The following WDR25 variants were observed in gnomAD, a reference collection of about 807,000 sequenced individuals.
WDR25 encodes WD repeat domain 25.
WDR25 carries 35 observed loss-of-function variants against 47.7 expected under a neutral mutation model. The observed-to-expected ratio is 0.73, with a 90% CI of 0.56 to 0.97. WDR25 has a LOEUF of 0.97. Among genes scored for constraint, WDR25 ranks in the 50% least tolerant of loss-of-function variants. WDR25 has a pLI of 0.00. For synonymous variants in WDR25, 248 were observed against 278.9 expected (o/e 0.89, Z 1.10); for missense variants, 634 against 704.7 (o/e 0.90, Z 1.14).
chr14:100,385,821 C>T (rs373757885), intron 2 of WDR25, among the ~76,000 whole-genome samples: 3 of 151,718 alleles, frequency 2.0e-5, no homozygotes, highest in South Asian at 2.1e-4. Flanking sequence ...ACCCACTGCA[C>T]GTAAAGGTAG....
intron 2 of WDR25, among the ~76,000 whole-genome samples, chr14:100,409,575 T>C (rs1897647380): frequency 6.6e-6 from 1 of 152,182 alleles, no homozygotes; most frequent in Non-Finnish European, 1.5e-5. Flanking sequence ...TTGCTGTGGG[T>C]GATCCCTGGT....
At position 100,380,942 on chromosome 14, in the gene WDR25, G is replaced by A. The variant is rs2140135639; in HGVS notation, c.18G>A (p.Leu6=). The change falls in exon 2 of 7, where the codon CTG becomes CTA. Residue 6 remains leucine, a synonymous_variant. Transcript: ENST00000402312. The stretch of plus-strand genomic sequence containing the variant: ...GGCTTTGAATGACAGCAAGAACTCT[G>A]TCTTTAATGGCTTCATTGGTAGCGT... MTART[L]SLMASLVAYD... 2 of 1,613,572 alleles carry A rather than the reference G, an allele frequency of 1.2e-6. No homozygotes were observed. The highest frequency in any genetic ancestry group is 1.7e-6 in the Non-Finnish European group (2 of 1,179,498).
intron 2 of WDR25, among the ~76,000 whole-genome samples, chr14:100,458,604 T>A (rs558348166): frequency 1.3e-5 from 2 of 152,254 alleles, no homozygotes; most frequent in East Asian, 3.9e-4. Context: ...AACAGCAGAA[T>A]ATACATTCTT....
intron 4 of WDR25, among the ~76,000 whole-genome samples, chr14:100,520,955 G>A (rs1319473130): frequency 2.6e-5 from 4 of 152,102 alleles, no homozygotes; most frequent in African/African-American, 9.7e-5. Flanking sequence ...TCAATACATG[G>A]TTAATTTTGT....
At chr14:100,526,061 T>C in intron 5 of WDR25, 21 bp downstream of exon 5, 1 of 1,613,398 alleles carries the variant, frequency 6.2e-7, no homozygotes, top group South Asian at 1.1e-5. Flanking sequence ...CCATTTGGCA[T>C]TGCTGTCAGT....
chr14:100,519,778 GTA>G (rs1416893265), intron 4 of WDR25, among the ~76,000 whole-genome samples: 1 of 134,138 alleles, frequency 7.5e-6, no homozygotes, highest in African/African-American at 2.8e-5. Context: ...TATATATATA[GTA>G]TATATACTAT....
chr14:100,481,944 C>T (rs534582337), intron 3 of WDR25, among the ~76,000 whole-genome samples: 2 of 152,122 alleles, frequency 1.3e-5, no homozygotes, highest in Non-Finnish European at 2.9e-5. Context: ...AAATTTTGAC[C>T]TGGAAAGTCA....
intron 2 of WDR25, among the ~76,000 whole-genome samples, chr14:100,405,659 A>G (rs1332736570): frequency 1.3e-5 from 2 of 152,270 alleles, no homozygotes; most frequent in African/African-American, 4.8e-5. Context: ...ATGCAAGGGC[A>G]GAAGCAGAGC....
rs1226765543 is a variant in WDR25, at chr14:100,496,828, CTTTTTTTTTT to C, written c.1101+12719_1101+12728del. Reference sequence around the variant, plus strand: ...TTTCTTTTTCTTTTTTTCTTTAATTCTTTTTTTTTTTTTTTTTTTTTTTTGGAGACAGAGT... The same window carrying C: ...TTTCTTTTTCTTTTTTTCTTTAATTCTTTTTTTTTTTTTTGGAGACAGAGT... On this transcript the variant is annotated intron_variant, in intron 4 of 6. Transcript: ENST00000402312. 7.2e-4 allele frequency among the ~76,000 whole-genome samples: 53 copies of C among 73,440 alleles called. No individual in the cohort carries two copies. In the East Asian group the frequency reaches 0.022, roughly 31 times the overall value. The allele number at this position is 73,440 out of a possible 152,430, so 48.2% of individuals were successfully genotyped here.
intron 3 of WDR25, chr14:100,480,934 C>G: frequency 2.5e-6 from 1 of 392,708 alleles, no homozygotes; most frequent in Non-Finnish European, 5.0e-6. Flanking sequence ...TGGCATGCAC[C>G]CTCCCCATTG....
At position 100,424,212 on chromosome 14, in the gene WDR25, T is replaced by C. The variant is rs893531680; in HGVS notation, c.822+42466T>C. On this transcript the variant is annotated intron_variant, in intron 2 of 6. Coordinates refer to ENST00000402312, the MANE Select transcript of WDR25 (RefSeq NM_001161476.3). The surrounding 1 kb of genome is among the most constrained non-coding windows in gnomAD (Gnocchi z 4.2). ...GTGTTCCTGAGCCCAGGCACTTCGA[T>C]GCCCACACTACTTCCAGGGAGCTGA... Among the ~76,000 whole-genome samples the C allele has an allele frequency of 6.6e-6, 1 of 152,188 alleles. No homozygotes were observed. Among genetic ancestry groups the C allele is most frequent in the African/African-American group, 2.4e-5 (1 of 41,454 alleles).
intron 2 of WDR25, among the ~76,000 whole-genome samples, chr14:100,399,197 T>C (rs1055022183): frequency 6.6e-6 from 1 of 152,212 alleles, no homozygotes; most frequent in Non-Finnish European, 1.5e-5. Context: ...TTGATGTTTT[T>C]ACACAACCTT....
intron 2 of WDR25, among the ~76,000 whole-genome samples, chr14:100,386,988 C>G (rs1897034696): frequency 6.6e-6 from 1 of 151,946 alleles, no homozygotes; most frequent in Non-Finnish European, 1.5e-5. Context: ...GATTGGCAAA[C>G]CTTCAGTACC....
chr14:100,468,660 T>G lies in WDR25; in HGVS notation c.970+492T>G, dbSNP rs966384129. Among the ~76,000 whole-genome samples, 4 of 152,266 alleles carry G rather than the reference T, an allele frequency of 2.6e-5. No homozygotes were observed. The South Asian group carries it at 6.2e-4, about 24-fold the overall frequency. On this transcript the variant is annotated intron_variant, in intron 3 of 6. Transcript: ENST00000402312. This position sits in a 1 kb window ranked among gnomAD's most constrained non-coding sequence, Gnocchi z 4.5. Reference sequence around the variant, plus strand: ...GGATGGATTCGTGCCGGGTAAATCCTGAGAGGGCTCTTGACAAGCAGGGCG... The same window carrying G: ...GGATGGATTCGTGCCGGGTAAATCCGGAGAGGGCTCTTGACAAGCAGGGCG...
intron 4 of WDR25, chr14:100,504,761 G>T (rs991788484): frequency 3.9e-5 from 6 of 152,120 alleles, no homozygotes; most frequent in African/African-American, 1.4e-4. Flanking sequence ...ATTGCTAAGT[G>T]GTGTAGTATA....
At chr14:100,401,801 C>G (rs1216717888) in intron 2 of WDR25, among the ~76,000 whole-genome samples, 1 of 152,206 alleles carries the variant, frequency 6.6e-6, no homozygotes, top group East Asian at 1.9e-4. Flanking sequence ...TCCTGGGTGG[C>G]TCTGCACGTG....
intron 2 of WDR25, among the ~76,000 whole-genome samples, chr14:100,439,011 C>T (rs756545236): frequency 2.0e-5 from 3 of 152,172 alleles, no homozygotes; most frequent in Admixed American, 2.0e-4. Flanking sequence ...ATGGCCTGGC[C>T]CTGGTGGCTA....
intron 3 of WDR25, among the ~76,000 whole-genome samples, chr14:100,477,937 A>G (rs1900071684): frequency 6.6e-6 from 1 of 150,512 alleles, no homozygotes; most frequent in African/African-American, 2.4e-5. Context: ...TAAAAATACA[A>G]AAAAATTAGC....
intron 2 of WDR25, among the ~76,000 whole-genome samples, chr14:100,446,417 G>C (rs956655386): frequency 6.6e-6 from 1 of 152,016 alleles, no homozygotes; most frequent in Admixed American, 6.6e-5. Context: ...CAGGCATGGT[G>C]GTGGGTGCCT....
Sources: allele counts gnomAD v4.1 joint callset (sites outside exome capture counted in the v4.1 genomes callset), GRCh38; gene constraint gnomAD v4.1.1; non-coding constraint Gnocchi (gnomAD v3.1); transcripts MANE v1.5; gene names NCBI Gene and HGNC (gene_info 2026-07-23, HGNC 2026-07-21).